The following SOX5 variants were observed in gnomAD, a reference collection of about 807,000 sequenced individuals.
SOX5 encodes SRY-box transcription factor 5, also known as transcription factor SOX-5.
A neutral mutation model predicts 92.0 loss-of-function variants in SOX5; 9 were observed. The observed-to-expected ratio is 0.10, with a 90% CI of 0.06 to 0.17. The LOEUF is 0.17. Ranked by LOEUF, SOX5 falls within the 10% of genes least tolerant of loss-of-function variation. SOX5 has a pLI of 1.00. For synonymous variants in SOX5, 344 were observed against 336.3 expected (o/e 1.02, Z -0.25); for missense variants, 642 against 944.5 (o/e 0.68, Z 4.20).
chr12:24,332,007 T>G (rs1380476106), intron 2 of SOX5, among the ~76,000 whole-genome samples: 1 of 151,754 alleles, frequency 6.6e-6, no homozygotes, highest in Admixed American at 6.6e-5. Context: ...CTGCATATAA[T>G]ATGATCACAA....
intron 3 of SOX5, among the ~76,000 whole-genome samples, chr12:23,796,888 T>C (rs1282127244): frequency 7.4e-6 from 1 of 135,478 alleles, no homozygotes; most frequent in Admixed American, 7.6e-5. Context: ...TAAATATATA[T>C]AAATATTTAT....
intron 4 of SOX5, among the ~76,000 whole-genome samples, chr12:24,091,475 G>A (rs1825240432): frequency 7.2e-6 from 1 of 139,592 alleles, no homozygotes; most frequent in African/African-American, 2.7e-5. Context: ...TGTTGCCTAG[G>A]CTGGAGTGCA....
At chr12:23,763,706 T>G (rs562483402) in intron 3 of SOX5, among the ~76,000 whole-genome samples, 1 of 152,210 alleles carries the variant, frequency 6.6e-6, no homozygotes, top group Admixed American at 6.5e-5. Context: ...AAGGTTCTAT[T>G]AGGTCCTCAA....
chr12:23,998,131 A>G (rs1951214793), intron 4 of SOX5, among the ~76,000 whole-genome samples: 1 of 152,180 alleles, frequency 6.6e-6, no homozygotes, highest in South Asian at 2.1e-4. Context: ...AGACTTGCCT[A>G]ACAAAAACTT....
chr12:23,895,745 G>A, intron 2 of SOX5, 48 bp downstream of exon 2: 2 of 1,316,716 alleles, frequency 1.5e-6, no homozygotes, highest in Non-Finnish European at 2.2e-6. Flanking sequence ...TAGAGGAGTA[G>A]ACTGGTCAAA....
At chr12:23,547,770 T>A (rs1357691247) in intron 11 of SOX5, among the ~76,000 whole-genome samples, 2 of 152,184 alleles carry the variant, frequency 1.3e-5, no homozygotes, top group African/African-American at 2.4e-5. Flanking sequence ...ATATTAACTT[T>A]AGTTCTATAG....
intron 2 of SOX5, among the ~76,000 whole-genome samples, chr12:23,854,682 T>C (rs1226955175): frequency 6.6e-6 from 1 of 152,096 alleles, no homozygotes; most frequent in African/African-American, 2.4e-5. Context: ...AGCATAAAGA[T>C]GGGTTAAGCA....
rs770252719 is a variant in SOX5 at position 23,546,287 on chromosome 12, T to C, written c.1597+29A>G. The stretch of plus-strand genomic sequence containing the variant: ...CTACCTAGACACTTTCTTGCATTAT[T>C]AGAATATGTATGAACAATTTTCACA... On this transcript the variant is annotated intron_variant, in intron 12 of 14. Coordinates refer to ENST00000451604, the MANE Select transcript of SOX5 (RefSeq NM_006940.6). The C allele has an allele frequency of 2.4e-6, 3 of 1,270,592 alleles. No individual in the cohort carries two copies. In the East Asian group the frequency reaches 6.9e-5, roughly 29 times the overall value. 78.7% of individuals were successfully genotyped at this position (1,270,592 alleles called of 1,614,324 possible).
chr12:24,537,938 A>C (rs1285226513), intron 1 of SOX5, among the ~76,000 whole-genome samples: 1 of 152,202 alleles, frequency 6.6e-6, no homozygotes, highest in African/African-American at 2.4e-5. Flanking sequence ...TTCCACAGTT[A>C]CATTTCTTGT....
At chr12:23,706,061 T>C (rs2091349691) in intron 6 of SOX5, among the ~76,000 whole-genome samples, 1 of 152,018 alleles carries the variant, frequency 6.6e-6, no homozygotes, top group South Asian at 2.1e-4. Context: ...ATTAATGACA[T>C]GGTTGAAATA....
At chr12:24,281,082 T>A (rs549484079) in intron 2 of SOX5, among the ~76,000 whole-genome samples, 1 of 151,842 alleles carries the variant, frequency 6.6e-6, no homozygotes, top group Admixed American at 6.6e-5. Context: ...ACTTACTTTT[T>A]GTTTCCATGG....
chr12:23,732,699 C>T (rs7298488), intron 6 of SOX5, among the ~76,000 whole-genome samples: 108,909 of 151,968 alleles, frequency 0.72, 39,150 homozygotes, highest in Non-Finnish European at 0.76. Context: ...GGCTGGCCAC[C>T]TAACACTTTG....
intron 7 of SOX5, among the ~76,000 whole-genome samples, 157 bp downstream of exon 7, chr12:23,665,287 G>A (rs1292283468): frequency 6.7e-6 from 1 of 150,270 alleles, no homozygotes; most frequent in African/African-American, 2.4e-5. Flanking sequence ...AGTCCTTTAA[G>A]TACTAACACA....
chr12:24,387,003 G>A (rs1398297621), intron 1 of SOX5, among the ~76,000 whole-genome samples: 2 of 152,142 alleles, frequency 1.3e-5, no homozygotes, highest in African/African-American at 4.8e-5. Context: ...GTCCACATTT[G>A]TAAATGAGCA....
At chr12:24,166,720 T>A (rs1405107754) in intron 4 of SOX5, among the ~76,000 whole-genome samples, 1 of 152,248 alleles carries the variant, frequency 6.6e-6, no homozygotes, top group Non-Finnish European at 1.5e-5. Context: ...TTACGCATGC[T>A]ATTGCACATA....
intron 9 of SOX5, among the ~76,000 whole-genome samples, chr12:23,599,209 T>C (rs980625964): frequency 6.6e-6 from 1 of 152,342 alleles, no homozygotes; most frequent in Non-Finnish European, 1.5e-5. Context: ...GAGGCTCAGA[T>C]AACAATAAAG....
At chr12:23,687,432 G>A (rs910755096) in intron 6 of SOX5, among the ~76,000 whole-genome samples, 16 of 151,930 alleles carry the variant, frequency 1.1e-4, no homozygotes, top group African/African-American at 2.9e-4. Flanking sequence ...ACAGCATTGC[G>A]TTTTTTAAAA....
chr12:23,660,015 G>T (rs756937361), intron 7 of SOX5, among the ~76,000 whole-genome samples: 9 of 152,054 alleles, frequency 5.9e-5, no homozygotes, highest in Non-Finnish European at 1.3e-4. Context: ...AATAAAAACA[G>T]GTAAGGCTAA....
chr12:24,372,962 A>AAC (rs1956888294), intron 1 of SOX5, among the ~76,000 whole-genome samples: 1 of 151,550 alleles, frequency 6.6e-6, no homozygotes, highest in Non-Finnish European at 1.5e-5. Context: ...AAAAAAAAAA[A>AAC]AAAAAAACTG....
Sources: allele counts gnomAD v4.1 joint callset (sites outside exome capture counted in the v4.1 genomes callset), GRCh38; gene constraint gnomAD v4.1.1; transcripts MANE v1.5; gene names NCBI Gene and HGNC (gene_info 2026-07-23, HGNC 2026-07-21).